The following TMEM168 variants were observed in gnomAD, a reference collection of about 807,000 sequenced individuals.
The protein encoded by TMEM168 is transmembrane protein 168.
Under a neutral mutation model 53.2 loss-of-function variants are expected in TMEM168, and 40 were observed. The ratio of observed to expected loss-of-function variants is 0.75; its 90% CI spans 0.58 to 0.98. The LOEUF (loss-of-function observed/expected upper bound fraction) is 0.98. TMEM168 is among the 50% of genes least tolerant of loss of function. TMEM168 has a pLI of 0.00. For missense variants in TMEM168, 771 were observed against 828.8 expected (o/e 0.93, Z 0.86); for synonymous variants, 282 against 293.0 (o/e 0.96, Z 0.38).
Position 112,769,336 on chromosome 7 carries a change from A to AGAT in TMEM168, c.1547-1595_1547-1593dup, listed in dbSNP as rs562717168. On this transcript the variant is annotated intron_variant, in intron 4 of 4. Coordinates refer to ENST00000312814, the MANE Select transcript of TMEM168 (RefSeq NM_022484.6). ...GTGTTATTCCACTGATACCTCCAAA[A>AGAT]GATACTTTTTCAAAAATGGCCAAAT... Among the ~76,000 whole-genome samples the AGAT allele has an allele frequency of 2.0e-5, 3 of 152,294 alleles. No homozygotes were observed. In the South Asian group the frequency reaches 6.2e-4, roughly 32 times the overall value.
At chr7:112,771,759 T>C (rs192328091) in intron 4 of TMEM168, among the ~76,000 whole-genome samples, 1 of 152,240 alleles carries the variant, frequency 6.6e-6, no homozygotes, top group Non-Finnish European at 1.5e-5. Flanking sequence ...TCCATACTAC[T>C]TCTATTTATC....
intron 2 of TMEM168, among the ~76,000 whole-genome samples, chr7:112,777,759 C>A (rs1417823125): frequency 1.3e-5 from 2 of 151,970 alleles, no homozygotes; most frequent in Non-Finnish European, 2.9e-5. Flanking sequence ...TTCCAGTGTA[C>A]TACCATTATG....
chr7:112,780,782 T>C (rs1325933520), intron 2 of TMEM168, among the ~76,000 whole-genome samples: 1 of 152,000 alleles, frequency 6.6e-6, no homozygotes, highest in Non-Finnish European at 1.5e-5. Flanking sequence ...AATATGACAT[T>C]CTGGAAAAGG....
At chr7:112,781,402 T>G (rs1562867620) in intron 2 of TMEM168, among the ~76,000 whole-genome samples, 1 of 152,030 alleles carries the variant, frequency 6.6e-6, no homozygotes. Flanking sequence ...TCCAACTACA[T>G]GGAATTAGAA....
At position 112,784,067 on chromosome 7, in the gene TMEM168, T is replaced by G. The variant is rs766055154; in HGVS notation, c.759A>C (p.Lys253Asn). 4 of 1,612,132 alleles carry G rather than the reference T, an allele frequency of 2.5e-6. No individual in the cohort carries two copies. The South Asian group carries it at 4.4e-5, about 18-fold the overall frequency. The change falls in exon 2 of 5, where the codon AAA (lysine) becomes AAC (asparagine). Residue 253 changes from lysine (K) to asparagine (N), a missense_variant. Transcript: ENST00000312814. ...FSGLSVTERW[K>N]PFLYRGRICR... ...AAATTCTTCCACGGTACAAAAAGGG[T>G]TTCCATCTTTCAGTTACTGAAAGTC...
At chr7:112,786,060 T>C (rs1436310834) in intron 1 of TMEM168, among the ~76,000 whole-genome samples, 1 of 151,930 alleles carries the variant, frequency 6.6e-6, no homozygotes. Flanking sequence ...ATACAAAAAT[T>C]AGCCAGGTGT....
intron 2 of TMEM168, among the ~76,000 whole-genome samples, chr7:112,781,894 T>C (rs1306509288): frequency 6.6e-6 from 1 of 152,048 alleles, no homozygotes; most frequent in Non-Finnish European, 1.5e-5. Flanking sequence ...TCTGTAAAAT[T>C]AAAAACCTTT....
At chr7:112,777,658 A>G (rs897349796) in intron 2 of TMEM168, among the ~76,000 whole-genome samples, 2 of 152,056 alleles carry the variant, frequency 1.3e-5, no homozygotes, top group African/African-American at 4.8e-5. Flanking sequence ...AGCTTTGTCT[A>G]ATGTTATGTT....
At chr7:112,779,084 T>TCTCC (rs1481968671) in intron 2 of TMEM168, among the ~76,000 whole-genome samples, 1 of 151,996 alleles carries the variant, frequency 6.6e-6, no homozygotes, top group Non-Finnish European at 1.5e-5. Context: ...AGAGACAAGG[T>TCTCC]CTCCCTATGT....
rs1793321615 is a variant in TMEM168 at position 112,784,443 on chromosome 7, A to T, written c.383T>A (p.Leu128Gln). ...VKEESTKYLL[L>Q]TSIVLRILCS... is the part of the protein sequence containing the mutation. The stretch of plus-strand genomic sequence containing the variant: ...CAATATCCTTAACACTATGGATGTT[A>T]GAAGCAAATATTTGGTTGATTCTTC... Residue 128 changes from leucine (L) to glutamine (Q), a missense_variant, in exon 2 of 5, where the codon CTA becomes CAA. By Grantham distance (113) the Leu-to-Gln change is moderately radical. Coordinates refer to ENST00000312814, the MANE Select transcript of TMEM168 (RefSeq NM_022484.6). 6.2e-7 allele frequency: 1 copy of T among 1,613,946 alleles called. No homozygotes were observed. Among genetic ancestry groups the T allele is most frequent in the Admixed American group, 1.7e-5 (1 of 59,984 alleles).
chr7:112,782,473 G>A (rs1793257224), intron 2 of TMEM168, among the ~76,000 whole-genome samples: 1 of 152,096 alleles, frequency 6.6e-6, no homozygotes, highest in Non-Finnish European at 1.5e-5. Context: ...GCAGGAGGAG[G>A]GGCAAGGAAG....
At chr7:112,772,758 G>C (rs1326205777) in intron 4 of TMEM168, 23 bp downstream of exon 4, 6 of 1,603,424 alleles carry the variant, frequency 3.7e-6, no homozygotes, top group Non-Finnish European at 5.1e-6. Context: ...TTACAATAGT[G>C]AAACTGCCAA....
At chr7:112,770,718 A>C (rs1464811147) in intron 4 of TMEM168, among the ~76,000 whole-genome samples, 1 of 152,184 alleles carries the variant, frequency 6.6e-6, no homozygotes, top group African/African-American at 2.4e-5. Flanking sequence ...TATCTTTAAG[A>C]AATACTTAAT....
At chr7:112,782,817 G>A (rs539511970) in intron 2 of TMEM168, among the ~76,000 whole-genome samples, 3 of 152,190 alleles carry the variant, frequency 2.0e-5, no homozygotes, top group Non-Finnish European at 4.4e-5. Context: ...ACAGAGAGCT[G>A]CACCAAGCAG....
At chr7:112,788,060 A>G (rs966973772) in intron 1 of TMEM168, among the ~76,000 whole-genome samples, 12 of 152,092 alleles carry the variant, frequency 7.9e-5, no homozygotes, top group African/African-American at 2.9e-4. Flanking sequence ...AAACAAATTT[A>G]CATTGTTGAC....
At position 112,784,234 on chromosome 7, in the gene TMEM168, A is replaced by G; in HGVS notation, c.592T>C (p.Ser198Pro). 1 of 1,613,788 alleles carries G rather than the reference A, an allele frequency of 6.2e-7. No homozygotes were observed. Among genetic ancestry groups the G allele is most frequent in the Non-Finnish European group, 8.5e-7 (1 of 1,179,932 alleles). The change falls in exon 2 of 5, where the codon TCT becomes CCT. Residue 198 changes from serine (S) to proline (P), a missense_variant. By Grantham distance (74) the Ser-to-Pro change is moderately conservative. Coordinates refer to ENST00000312814, the MANE Select transcript of TMEM168 (RefSeq NM_022484.6). ...AMLIIDLRMK[S>P]FLAIPNLVIF... ...ACTAAGTTTGGAATAGCTAAGAAAG[A>G]TTTCATTCTCAGATCAATAATCAGC...
At chr7:112,770,343 G>C (rs1310170992) in intron 4 of TMEM168, among the ~76,000 whole-genome samples, 1 of 152,174 alleles carries the variant, frequency 6.6e-6, no homozygotes, top group Admixed American at 6.5e-5. Context: ...TCAGGGAAGG[G>C]AGATCAGTAT....
intron 4 of TMEM168, among the ~76,000 whole-genome samples, chr7:112,771,148 A>C (rs1227521427): frequency 6.6e-6 from 1 of 152,212 alleles, no homozygotes; most frequent in Non-Finnish European, 1.5e-5. Context: ...AACTATATTC[A>C]ATTAGTTTTA....
chr7:112,787,282 G>A (rs148198794), intron 1 of TMEM168, among the ~76,000 whole-genome samples: 2 of 151,864 alleles, frequency 1.3e-5, no homozygotes, highest in African/African-American at 4.8e-5. Flanking sequence ...ACTAAATGGT[G>A]TTTCCCACCA....
Sources: gnomAD v4.1 joint callset for allele counts (sites outside exome capture counted in the v4.1 genomes callset) on GRCh38, gnomAD v4.1.1 for gene constraint, MANE v1.5 for transcripts, NCBI Gene and HGNC (gene_info 2026-07-23, HGNC 2026-07-21) for gene names.